The following COA6 variants were observed in gnomAD, a reference collection of about 807,000 sequenced individuals.
COA6 encodes the protein cytochrome c oxidase assembly factor 6.
A neutral mutation model predicts 17.1 loss-of-function variants in COA6; 12 were observed. The ratio of observed to expected loss-of-function variants is 0.70; its 90% CI spans 0.45 to 1.14. The LOEUF is 1.14. Among genes scored for constraint, COA6 ranks in the 50% most tolerant of loss-of-function variants. COA6 has a pLI of 0.00. For synonymous variants in COA6, 90 were observed against 73.4 expected, an observed-to-expected ratio of 1.23 and a Z score of -1.16; for missense variants, 246 against 196.5, an observed-to-expected ratio of 1.25 and a Z score of -1.51.
rs1223528584 is a variant in COA6, at chr1:234,377,127, G to GT, written c.372+2746dup. On this transcript the variant is annotated intron_variant, in intron 2 of 2. Transcript: ENST00000366615. ...TCCAGTCTCTGTCTCCTCTTTTTTT[G>GT]TTTTTTTTGTTGTTGTTGAGACAGA... 6.4e-4 allele frequency among the ~76,000 whole-genome samples: 49 copies of GT among 76,352 alleles called. 9 individuals are homozygous for GT. Among genetic ancestry groups the GT allele is most frequent in the South Asian group, 1.4e-3 (4 of 2,816 alleles). 50.1% of individuals were successfully genotyped at this position (76,352 alleles called of 152,430 possible). A position where few individuals can be genotyped will look rare whatever the true frequency, so the allele number is the denominator to read the frequency against.
chr1:234,374,344 CA>C lies in COA6; in HGVS notation c.329del (p.Lys110ArgfsTer3). On this transcript the variant is annotated frameshift_variant, in exon 2 of 3. Coordinates refer to ENST00000366615, the MANE Select transcript of COA6 (RefSeq NM_001206641.3). LOFTEE classifies it high-confidence loss of function. ...AGAACTTAGAGGATGCTTCTCAATG[CA>C]AGAAGTTAAGAAGCTCTTTCGAATC... Reference protein sequence around the residue: ...DENLEDASQCKKLRSSFESSC... With the variant: ...DENLEDASQCXKLRSSFESSC... 3 of 1,613,988 alleles carry C rather than the reference CA, an allele frequency of 1.9e-6. No individual in the cohort carries two copies. The highest frequency in any genetic ancestry group is 2.5e-6 in the Non-Finnish European group (3 of 1,179,984).
At chr1:234,380,313 C>T (rs1186511057) in intron 2 of COA6, among the ~76,000 whole-genome samples, 1 of 152,210 alleles carries the variant, frequency 6.6e-6, no homozygotes, top group African/African-American at 2.4e-5. Flanking sequence ...CTTTTGAGTG[C>T]ATTCTGAATG....
At chr1:234,377,625 G>C (rs2103017127) in intron 2 of COA6, among the ~76,000 whole-genome samples, 1 of 152,334 alleles carries the variant, frequency 6.6e-6, no homozygotes, top group East Asian at 1.9e-4. Context: ...TTAGGGCTGT[G>C]AGCTCAGCTG....
At chr1:234,379,111 C>G (rs1658897010) in intron 2 of COA6, among the ~76,000 whole-genome samples, 1 of 150,020 alleles carries the variant, frequency 6.7e-6, no homozygotes. Context: ...AACTCCTGGA[C>G]TCAAGCGATC....
At position 234,373,487 on chromosome 1, in the gene COA6, A is replaced by G; in HGVS notation, c.21A>G (p.Gln7=). 5 of 1,579,120 alleles carry G rather than the reference A, an allele frequency of 3.2e-6. No individual in the cohort carries two copies. Among genetic ancestry groups the G allele is most frequent in the Non-Finnish European group, 4.3e-6 (5 of 1,162,790 alleles). MVARKG[Q]KSPRFRRVSC... ...AGTAAATGGTAGCTCGGAAGGGTCA[A>G]AAGAGTCCGCGGTTTCGCCGCGTGA... Residue 7 remains glutamine, a synonymous_variant, in exon 1 of 3, where the codon CAA becomes CAG. Coordinates refer to ENST00000366615, the MANE Select transcript of COA6 (RefSeq NM_001206641.3).
At position 234,384,370 on chromosome 1, in the gene COA6, A is replaced by T. The variant is rs531761286; in HGVS notation, c.*552A>T. Among the ~76,000 whole-genome samples, 1 of 152,208 alleles carries T rather than the reference A, an allele frequency of 6.6e-6. No individual in the cohort carries two copies. The highest frequency in any genetic ancestry group is 1.5e-5 in the Non-Finnish European group (1 of 68,042). The stretch of plus-strand genomic sequence containing the variant: ...AAAAGAAAAAGCATACACACTGGGA[A>T]GGAAGAAAGAAAACTAGCTCTACTC... On this transcript the variant is annotated 3_prime_UTR_variant, in exon 3 of 3. Coordinates refer to ENST00000366615, the MANE Select transcript of COA6 (RefSeq NM_001206641.3).
intron 2 of COA6, among the ~76,000 whole-genome samples, 174 bp downstream of exon 2, chr1:234,374,563 G>C (rs1178034729): frequency 6.6e-6 from 1 of 152,198 alleles, no homozygotes; most frequent in Non-Finnish European, 1.5e-5. Context: ...ACATCAGCTA[G>C]ATCTTTGGAG....
intron 1 of COA6, chr1:234,373,972 C>G (rs530102323): frequency 8.6e-7 from 1 of 1,164,464 alleles, no homozygotes; most frequent in East Asian, 2.6e-5. Context: ...GCTTTCTGAG[C>G]CCACGCTGCC....
At chr1:234,379,595 T>G (rs1420986505) in intron 2 of COA6, among the ~76,000 whole-genome samples, 1 of 152,192 alleles carries the variant, frequency 6.6e-6, no homozygotes, top group Non-Finnish European at 1.5e-5. Flanking sequence ...TAGTCCGTTT[T>G]CATACTGCTA....
chr1:234,376,388 C>CT (rs1658793096), intron 2 of COA6, among the ~76,000 whole-genome samples: 1 of 152,220 alleles, frequency 6.6e-6, no homozygotes, highest in Non-Finnish European at 1.5e-5. Flanking sequence ...CCCAACCTCT[C>CT]TCCAGGTCAC....
chr1:234,373,484 T>C lies in COA6; in HGVS notation c.18T>C (p.Gly6=). 6.4e-7 allele frequency: 1 copy of C among 1,571,532 alleles called. No individual in the cohort carries two copies. The highest frequency in any genetic ancestry group is 8.6e-7 in the Non-Finnish European group (1 of 1,158,820). Residue 6 remains glycine, a synonymous_variant, in exon 1 of 3, where the codon GGT becomes GGC. Coordinates refer to ENST00000366615, the MANE Select transcript of COA6 (RefSeq NM_001206641.3). The part of the protein sequence containing the change: MVARK[G]QKSPRFRRVS... The stretch of plus-strand genomic sequence containing the variant: ...GAAAGTAAATGGTAGCTCGGAAGGG[T>C]CAAAAGAGTCCGCGGTTTCGCCGCG...
chr1:234,385,050 TAAA>T lies in COA6; in HGVS notation c.*1236_*1238del, dbSNP rs554741579. On this transcript the variant is annotated 3_prime_UTR_variant, in exon 3 of 3. Transcript: ENST00000366615. ...TTCATTTTAAAATACTTTTTATTACTAAAAAATGCTAAAGATTCTCTGAGTCTT... is the reference window on the plus strand; with the variant it reads ...TTCATTTTAAAATACTTTTTATTACTAAATGCTAAAGATTCTCTGAGTCTT... Among the ~76,000 whole-genome samples, 1 of 152,210 alleles carries T rather than the reference TAAA, an allele frequency of 6.6e-6. No homozygotes were observed. Among genetic ancestry groups the T allele is most frequent in the Non-Finnish European group, 1.5e-5 (1 of 68,044 alleles).
intron 2 of COA6, among the ~76,000 whole-genome samples, chr1:234,381,506 C>T (rs564188335): frequency 1.3e-5 from 2 of 152,328 alleles, no homozygotes; most frequent in East Asian, 3.9e-4. Flanking sequence ...GGGATGAAGC[C>T]ATCAGTGGCC....
At chr1:234,376,617 A>G (rs1658802124) in intron 2 of COA6, among the ~76,000 whole-genome samples, 2 of 152,216 alleles carry the variant, frequency 1.3e-5, no homozygotes, top group South Asian at 4.1e-4. Context: ...TATGCCTACC[A>G]TGCAAGAAAA....
At position 234,382,304 on chromosome 1, in the gene COA6, G is replaced by A. The variant is rs926896330; in HGVS notation, c.373-1419G>A. Among the ~76,000 whole-genome samples the A allele has an allele frequency of 1.7e-4, 26 of 152,336 alleles. No individual in the cohort carries two copies. The South Asian group carries it at 4.8e-3, about 28-fold the overall frequency. On this transcript the variant is annotated intron_variant, in intron 2 of 2. Transcript: ENST00000366615. ...TTTGACATCCTGGAGCTGGGTTGGA[G>A]ATCAAGGCTGCTTCTGTGTCAGGGC...
intron 2 of COA6, among the ~76,000 whole-genome samples, chr1:234,381,848 A>G (rs10910423): frequency 0.55 from 84,136 of 152,144 alleles, 25,160 homozygotes; most frequent in African/African-American, 0.79. Context: ...GGACTGCAAC[A>G]TCAGTAGGAC....
rs771742709 is a variant in COA6 at position 234,373,496 on chromosome 1, G to A, written c.30G>A (p.Pro10=). The stretch of plus-strand genomic sequence containing the variant: ...TAGCTCGGAAGGGTCAAAAGAGTCC[G>A]CGGTTTCGCCGCGTGAGTTGCTTTT... The part of the protein sequence containing the change: MVARKGQKS[P]RFRRVSCFLR... The change falls in exon 1 of 3, where the codon CCG becomes CCA. Residue 10 remains proline, a synonymous_variant. Transcript: ENST00000366615. 5 of 1,592,238 alleles carry A rather than the reference G, an allele frequency of 3.1e-6. No homozygotes were observed. The highest frequency in any genetic ancestry group is 1.1e-5 in the South Asian group (1 of 89,130).
intron 1 of COA6, 166 bp from the exon 2 acceptor site, chr1:234,374,064 G>A (rs1407377005): frequency 1.9e-5 from 17 of 898,138 alleles, no homozygotes; most frequent in Non-Finnish European, 2.8e-5. Flanking sequence ...AACTGATTGG[G>A]TTCAGTTGCC....
intron 2 of COA6, among the ~76,000 whole-genome samples, chr1:234,381,956 C>G (rs1215862013): frequency 6.6e-6 from 1 of 152,190 alleles, no homozygotes; most frequent in Non-Finnish European, 1.5e-5. Flanking sequence ...TCCACTTCTT[C>G]CTTTGGTATC....
Sources: gnomAD v4.1 joint callset for allele counts (sites outside exome capture counted in the v4.1 genomes callset) on GRCh38, gnomAD v4.1.1 for gene constraint, MANE v1.5 for transcripts, NCBI Gene and HGNC (gene_info 2026-07-23, HGNC 2026-07-21) for gene names.